The following ABCA2 variants were observed in gnomAD, a reference collection of about 807,000 sequenced individuals.
ABCA2 encodes the protein ATP binding cassette subfamily A member 2.
ABCA2 carries 84 observed loss-of-function variants against 262.8 expected under a neutral mutation model. The ratio of observed to expected loss-of-function variants is 0.32; its 90% CI spans 0.27 to 0.38. The LOEUF (loss-of-function observed/expected upper bound fraction) is 0.38, where lower values mean the gene tolerates loss of function less well. ABCA2 is among the 10% of genes least tolerant of loss of function. The pLI, the probability that ABCA2 is intolerant of heterozygous loss-of-function variation, is 1.00. For missense variants in ABCA2, 2,662 were observed against 3,405.9 expected (o/e 0.78, Z 5.44); for synonymous variants, 1,696 against 1,502.9 (o/e 1.13, Z -2.97).
intron 48 of ABCA2, 138 bp downstream of exon 48, chr9:137,008,278 C>T (rs970153654): frequency 7.8e-6 from 8 of 1,020,144 alleles, no homozygotes; most frequent in Middle Eastern, 2.0e-4. Context: ...GTGTCCCTCG[C>T]CCACTCTGCC....
intron 40 of ABCA2, 57 bp from the exon 41 acceptor site, chr9:137,010,428 C>T: frequency 8.5e-7 from 1 of 1,176,428 alleles, no homozygotes. Flanking sequence ...GCCCCTCTGG[C>T]CCCACCCCAC....
rs750426397 is a variant in ABCA2, at chr9:137,016,645, G to C, written c.2852C>G (p.Pro951Arg). The change falls in exon 20 of 49, where the codon CCG becomes CGG. Residue 951 changes from proline (P) to arginine (R), a missense_variant. Physicochemically the swap from Pro to Arg is moderately radical, Grantham distance 103 (BLOSUM62 -2). Coordinates refer to ENST00000341511, the MANE Select transcript of ABCA2 (RefSeq NM_001606.5). ...GRTEAWEWSW[P>R]WARTPRLSVM... ...ACTGAGGCGGGGGGTGCGTGCCCAC[G>C]GCCAGCTCCACTCCCAGGCTTCTGT... 1.2e-6 allele frequency: 2 copies of C among 1,608,848 alleles called. No homozygotes were observed. The highest frequency in any genetic ancestry group is 2.7e-5 in the African/African-American group (2 of 74,862).
In ABCA2 at chr9:137,012,614, G is replaced by A. The variant is rs778237780; in HGVS notation, c.5082-24C>T. On this transcript the variant is annotated intron_variant, in intron 31 of 48. Transcript: ENST00000341511. ...ACCTGGGCAGGCAGGTGGGAGGGGC[G>A]GTGAGGCTAGGCAGGCAGTGAGGCT... 2.5e-5 allele frequency: 41 copies of A among 1,610,222 alleles called. 1 individual carries two copies. The highest frequency in any genetic ancestry group is 1.8e-4 in the South Asian group (16 of 91,062).
chr9:137,026,723 G>A (rs1831664532), intron 1 of ABCA2, among the ~76,000 whole-genome samples: 1 of 152,152 alleles, frequency 6.6e-6, no homozygotes, highest in Non-Finnish European at 1.5e-5. Context: ...ACTGGAACAG[G>A]GGCCACCATT....
intron 28 of ABCA2, 86 bp downstream of exon 28, chr9:137,013,746 G>A: frequency 6.8e-7 from 1 of 1,465,634 alleles, no homozygotes; most frequent in Non-Finnish European, 9.3e-7. Context: ...CCCAGAGTCA[G>A]GAAGCTCAGG....
intron 3 of ABCA2, 27 bp downstream of exon 3, chr9:137,023,811 G>C (rs903547900): frequency 7.9e-6 from 6 of 761,566 alleles, no homozygotes; most frequent in African/African-American, 1.7e-5. Flanking sequence ...GCCCAGGCCA[G>C]CCAGGAGGAG....
At chr9:137,013,623 C>A (rs1222660038) in intron 28 of ABCA2, 60 bp from the exon 29 acceptor site, 26 of 1,503,918 alleles carry the variant, frequency 1.7e-5, no homozygotes, top group Non-Finnish European at 2.3e-5. Flanking sequence ...GGCCCCCAAG[C>A]CTCGGTCCCC....
Position 137,009,796 on chromosome 9 carries a change from G to A in ABCA2, c.6603C>T (p.Leu2201=), listed in dbSNP as rs1405982562. ...GGAAGATGAAGGCTGGGTACCCAAT[G>A]AGGGCGATGGCCGTGGAGAGCTTCC... is the stretch of plus-strand genomic sequence containing the variant. The part of the protein sequence containing the change: ...NKRKLSTAIA[L]IGYPAFIFLD... Residue 2201 remains leucine, a synonymous_variant, in exon 43 of 49, where the codon CTC becomes CTT. Transcript: ENST00000341511. The A allele has an allele frequency of 6.2e-7, 1 of 1,612,230 alleles. No individual in the cohort carries two copies. The highest frequency in any genetic ancestry group is 8.5e-7 in the Non-Finnish European group (1 of 1,179,580).
chr9:137,012,176 G>A lies in ABCA2; in HGVS notation c.5300-14C>T. On this transcript the variant is annotated splice_polypyrimidine_tract_variant and intron_variant, in intron 33 of 48. Transcript: ENST00000341511. ...TGACGGTGATGCCTGCACACGGCGG[G>A]GCGGGGGCGGCAGCTTCAGGCCCCA... 1 of 1,611,524 alleles carries A rather than the reference G, an allele frequency of 6.2e-7. No homozygotes were observed. Among genetic ancestry groups the A allele is most frequent in the Non-Finnish European group, 8.5e-7 (1 of 1,179,746 alleles).
At chr9:137,013,390 T>G in intron 29 of ABCA2, 71 bp downstream of exon 29, 1 of 1,506,814 alleles carries the variant, frequency 6.6e-7, no homozygotes. Flanking sequence ...CTCGCCCGCC[T>G]GGCCCACCAA....
In ABCA2 at chr9:137,018,814, A is replaced by G. The variant is rs1316881964; in HGVS notation, c.1724T>C (p.Val575Ala). 6.2e-7 allele frequency: 1 copy of G among 1,612,368 alleles called. No homozygotes were observed. The highest frequency in any genetic ancestry group is 8.5e-7 in the Non-Finnish European group (1 of 1,179,782). The change falls in exon 13 of 49, where the codon GTG (valine) becomes GCG (alanine). Residue 575 changes from valine (V) to alanine (A), a missense_variant and splice_region_variant. By Grantham distance (64) the Val-to-Ala change is moderately conservative. Coordinates refer to ENST00000341511, the MANE Select transcript of ABCA2 (RefSeq NM_001606.5). The part of the protein sequence containing the change: ...ACGWIQFMSK[V>A]SVDIFKGFPD... Reference sequence around the variant, plus strand: ...GAAGCCCTTGAAGATGTCCACGCTCACCTAGCGGGAGGGGCATCGCTGGAG... The same window carrying G: ...GAAGCCCTTGAAGATGTCCACGCTCGCCTAGCGGGAGGGGCATCGCTGGAG...
rs1831411003 is a variant in ABCA2, at chr9:137,020,459, C to G, written c.1302G>C (p.Met434Ile). ...IEPEALRRGN[M>I]SSLGFTSKEQ... ...CCTTGCTCGTGAAGCCCAGGGAGCT[C>G]ATGTTGCCCCGCCGCAGCGCCTCGG... Residue 434 changes from methionine (M) to isoleucine (I), a missense_variant, in exon 10 of 49, where the codon ATG (methionine) becomes ATC (isoleucine). Met to Ile is a conservative substitution (Grantham distance 10, BLOSUM62 1). This residue lies in a region of ABCA2 where 92 missense variants were observed against 146.7 expected (regional missense o/e 0.63). Transcript: ENST00000341511. 8 of 1,607,358 alleles carry G rather than the reference C, an allele frequency of 5.0e-6. No homozygotes were observed. Among genetic ancestry groups the G allele is most frequent in the Non-Finnish European group, 5.9e-6 (7 of 1,176,810 alleles).
chr9:137,018,792 G>A lies in ABCA2; in HGVS notation c.1746C>T (p.Gly582=). 2 of 1,612,772 alleles carry A rather than the reference G, an allele frequency of 1.2e-6. No individual in the cohort carries two copies. Among genetic ancestry groups the A allele is most frequent in the Non-Finnish European group, 1.7e-6 (2 of 1,179,886 alleles). Residue 582 remains glycine, a synonymous_variant, in exon 13 of 49, where the codon GGC becomes GGT. Coordinates refer to ENST00000341511, the MANE Select transcript of ABCA2 (RefSeq NM_001606.5). ...TGACAATGCTCTCCTCGTCGGGGAA[G>A]CCCTTGAAGATGTCCACGCTCACCT... ...MSKVSVDIFK[G]FPDEESIVNY...
In ABCA2 at chr9:137,015,522, G is replaced by A; in HGVS notation, c.3589C>T (p.His1197Tyr). 6.2e-7 allele frequency: 1 copy of A among 1,612,526 alleles called. No individual in the cohort carries two copies. Among genetic ancestry groups the A allele is most frequent in the Non-Finnish European group, 8.5e-7 (1 of 1,179,830 alleles). The change falls in exon 24 of 49, where the codon CAT becomes TAT. Residue 1197 changes from histidine to tyrosine, a missense_variant. Coordinates refer to ENST00000341511, the MANE Select transcript of ABCA2 (RefSeq NM_001606.5). ...GAGCCGCAGCACTTGAGCTTCCCAT[G>A]GGAGATGATGGCAATGCGGTCCCCA... ...LLGDRIAIIS[H>Y]GKLKCCGSPL...
Position 137,016,376 on chromosome 9 carries a change from C to A in ABCA2, c.3019G>T (p.Ala1007Ser), listed in dbSNP as rs748941494. 3.1e-6 allele frequency: 5 copies of A among 1,612,932 alleles called. No homozygotes were observed. The Admixed American group carries it at 6.7e-5, about 21-fold the overall frequency. The change falls in exon 21 of 49, where the codon GCC becomes TCC. Residue 1007 changes from alanine (A) to serine (S), a missense_variant. By Grantham distance (99) the Ala-to-Ser change is moderately conservative. This residue lies in a region of ABCA2 where 133 missense variants were observed against 150.8 expected (regional missense o/e 0.88). Transcript: ENST00000341511. The stretch of plus-strand genomic sequence containing the variant: ...AGGTTCAGGCTCAGCTTGTTCAGGG[C>A]CAGCTTCTTGTCGTCCTTGTAGACC... ...TKVYKDDKKLALNKLSLNLYE... is the reference protein window; with the variant it reads ...TKVYKDDKKLSLNKLSLNLYE...
intron 48 of ABCA2, 136 bp downstream of exon 48, chr9:137,008,280 C>T (rs1466344794): frequency 1.9e-6 from 2 of 1,033,726 alleles, no homozygotes; most frequent in South Asian, 1.4e-5. Context: ...GTCCCTCGCC[C>T]ACTCTGCCCC....
In ABCA2 at chr9:137,015,880, G is replaced by C. The variant is rs546150662; in HGVS notation, c.3318-9C>G. ...CCAGGTCCTCGATCATCCTGGGACA[G>C]GGAGGTGGGGCATGGGGCTGCTGCT... is the stretch of plus-strand genomic sequence containing the variant. On this transcript the variant is annotated splice_polypyrimidine_tract_variant and intron_variant, in intron 22 of 48. Transcript: ENST00000341511. The C allele has an allele frequency of 8.3e-5, 133 of 1,608,194 alleles. 2 individuals carry two copies. The East Asian group carries it at 2.5e-3, about 30-fold the overall frequency.
rs1831545628 is a variant in ABCA2 at position 137,023,385 on chromosome 9, C to T, written c.164-333G>A. ...GAAAACGTTTCAGGTGTGGCACTGC[C>T]TACAGAGCCCAGGGGAGGACAAAGG... On this transcript the variant is annotated intron_variant, in intron 3 of 48. Transcript: ENST00000341511. The T allele has an allele frequency of 4.2e-6, 3 of 710,090 alleles. No homozygotes were observed. In the Admixed American group the frequency reaches 5.4e-5, roughly 13 times the overall value. 44.0% of individuals were successfully genotyped at this position (710,090 alleles called of 1,614,324 possible). A position where few individuals can be genotyped will look rare whatever the true frequency, so the allele number is the denominator to read the frequency against.
chr9:137,014,740 A>T lies in ABCA2; in HGVS notation c.3953T>A (p.Val1318Glu). The T allele has an allele frequency of 1.2e-6, 2 of 1,603,192 alleles. No homozygotes were observed. The highest frequency in any genetic ancestry group is 1.7e-6 in the Non-Finnish European group (2 of 1,176,202). The change falls in exon 26 of 49, where the codon GTG (valine) becomes GAG (glutamate). Residue 1318 changes from valine to glutamate, a missense_variant. Val to Glu is a moderately radical substitution (Grantham distance 121). Transcript: ENST00000341511. ...ATCCTCCTCCGACACCTTGAGGAACACTTCCTCCAGGGTCGTGTCCATCAG... is the reference window on the plus strand; with the variant it reads ...ATCCTCCTCCGACACCTTGAGGAACTCTTCCTCCAGGGTCGTGTCCATCAG... ...FGLMDTTLEEVFLKVSEEDQS... is the reference protein window; with the variant it reads ...FGLMDTTLEEEFLKVSEEDQS...
Sources: allele counts gnomAD v4.1 joint callset (sites outside exome capture counted in the v4.1 genomes callset), GRCh38; gene constraint gnomAD v4.1.1; regional missense constraint gnomAD v4.1.1; transcripts MANE v1.5; gene names NCBI Gene and HGNC (gene_info 2026-07-23, HGNC 2026-07-21).